The following DGKI variants were observed in gnomAD, a reference collection of about 807,000 sequenced individuals.
DGKI encodes the protein DAG kinase iota.
A neutral mutation model predicts 147.5 loss-of-function variants in DGKI; 55 were observed. The observed-to-expected ratio is 0.37, with a 90% CI of 0.30 to 0.47. The LOEUF is 0.47. Ranked by LOEUF, DGKI falls within the 20% of genes least tolerant of loss-of-function variation. DGKI has a pLI of 1.00. For synonymous variants in DGKI, 469 were observed against 477.1 expected, an observed-to-expected ratio of 0.98 and a Z score of 0.22; for missense variants, 1,007 against 1,323.8, an observed-to-expected ratio of 0.76 and a Z score of 3.71.
intron 19 of DGKI, among the ~76,000 whole-genome samples, chr7:137,558,350 G>A (rs987942522): frequency 1.3e-5 from 2 of 152,152 alleles, no homozygotes; most frequent in African/African-American, 4.8e-5. Flanking sequence ...CACGATCTCG[G>A]CTGACTGCAA....
At chr7:137,763,435 C>T (rs543908552) in intron 1 of DGKI, among the ~76,000 whole-genome samples, 43 of 152,314 alleles carry the variant, frequency 2.8e-4, no homozygotes, top group African/African-American at 9.9e-4. Flanking sequence ...AATCATGCTG[C>T]TTTGGCTTAA....
At chr7:137,585,867 C>T (rs999033399) in intron 13 of DGKI, among the ~76,000 whole-genome samples, 2 of 152,148 alleles carry the variant, frequency 1.3e-5, no homozygotes, top group Non-Finnish European at 2.9e-5. Flanking sequence ...TGTTAGGGAG[C>T]TACTTAATCC....
intron 1 of DGKI, among the ~76,000 whole-genome samples, chr7:137,713,181 C>A (rs1465777463): frequency 1.3e-5 from 2 of 152,184 alleles, no homozygotes; most frequent in Non-Finnish European, 2.9e-5. Flanking sequence ...GATAAGCATT[C>A]ATGTATGATT....
At chr7:137,454,221 T>C (rs973862812) in intron 27 of DGKI, among the ~76,000 whole-genome samples, 15 of 152,310 alleles carry the variant, frequency 9.8e-5, no homozygotes, top group South Asian at 2.1e-4. Flanking sequence ...CTTCAAAAAA[T>C]CATGTTGTAC....
chr7:137,659,908 G>A (rs1022051482), intron 3 of DGKI, among the ~76,000 whole-genome samples: 1 of 152,212 alleles, frequency 6.6e-6, no homozygotes, highest in Non-Finnish European at 1.5e-5. Flanking sequence ...ACTCCAGCCT[G>A]GGCGACAGAG....
intron 20 of DGKI, among the ~76,000 whole-genome samples, chr7:137,530,352 T>C (rs1481713507): frequency 2.0e-5 from 3 of 152,124 alleles, no homozygotes; most frequent in Non-Finnish European, 4.4e-5. Context: ...TTTATCCTCC[T>C]CTAAATCTTT....
chr7:137,845,843 C>T (rs1798699165), intron 1 of DGKI, among the ~76,000 whole-genome samples: 1 of 152,118 alleles, frequency 6.6e-6, no homozygotes, highest in Non-Finnish European at 1.5e-5. Flanking sequence ...AGCACGCAGG[C>T]ATGGAGCCCC....
At chr7:137,444,525 A>G (rs971864300) in intron 27 of DGKI, among the ~76,000 whole-genome samples, 2 of 152,248 alleles carry the variant, frequency 1.3e-5, no homozygotes, top group African/African-American at 4.8e-5. Context: ...AAATTGAGAC[A>G]GAGGTAAAAG....
Position 137,687,376 on chromosome 7 carries a change from T to C in DGKI, c.510+2518A>G, listed in dbSNP as rs147023147. On this transcript the variant is annotated intron_variant, in intron 2 of 32. Transcript: ENST00000614521. ...ATTAAATAAAGATTGCTCATTTCCA[T>C]ACATTGAGTCCAGAAGAGTAGACTA... 5.9e-4 allele frequency among the ~76,000 whole-genome samples: 90 copies of C among 152,320 alleles called. 1 individual carries two copies. The highest frequency in any genetic ancestry group is 2.1e-3 in the African/African-American group (89 of 41,570).
In DGKI at chr7:137,391,109, GGAGA is replaced by G; in HGVS notation, c.*107_*110del. 1.2e-6 allele frequency: 1 copy of G among 862,642 alleles called. No homozygotes were observed. Among genetic ancestry groups the G allele is most frequent in the South Asian group, 1.4e-5 (1 of 72,800 alleles). 53.4% of individuals were successfully genotyped at this position (862,642 alleles called of 1,614,324 possible). A position where few individuals can be genotyped will look rare whatever the true frequency, so the allele number is the denominator to read the frequency against. On this transcript the variant is annotated 3_prime_UTR_variant, in exon 33 of 33. Coordinates refer to ENST00000614521, the MANE Select transcript of DGKI (RefSeq NM_001321708.2). ...GCATGGTCTCAGGTAGATTCTTGCAGGAGAGAGACAGATATATGAATTCCATCAG... is the reference window on the plus strand; with the variant it reads ...GCATGGTCTCAGGTAGATTCTTGCAGGAGACAGATATATGAATTCCATCAG...
intron 1 of DGKI, among the ~76,000 whole-genome samples, chr7:137,773,337 A>G (rs1796267317): frequency 6.6e-6 from 1 of 152,250 alleles, no homozygotes; most frequent in Admixed American, 6.5e-5. Context: ...AAAGGGGAAT[A>G]AATAATGAAC....
chr7:137,652,505 G>A (rs1208512559), intron 5 of DGKI, among the ~76,000 whole-genome samples: 8 of 151,998 alleles, frequency 5.3e-5, no homozygotes, highest in Non-Finnish European at 1.2e-4. Context: ...CCTAAATAAA[G>A]CACCTCCTTC....
intron 2 of DGKI, among the ~76,000 whole-genome samples, chr7:137,679,799 C>T (rs896639712): frequency 6.6e-6 from 1 of 151,376 alleles, no homozygotes; most frequent in Admixed American, 6.6e-5. Flanking sequence ...ACCAGCCTGG[C>T]CAACATGGTG....
intron 14 of DGKI, among the ~76,000 whole-genome samples, chr7:137,582,249 A>G (rs1186681149): frequency 2.6e-5 from 4 of 152,152 alleles, no homozygotes; most frequent in African/African-American, 9.6e-5. Flanking sequence ...TATTTGCAAT[A>G]GTTACAGAGA....
intron 19 of DGKI, among the ~76,000 whole-genome samples, chr7:137,554,914 C>CTTTTT (rs757320303): frequency 2.1e-4 from 23 of 107,424 alleles, no homozygotes; most frequent in East Asian, 5.2e-4. Flanking sequence ...AAACTATTTT[C>CTTTTT]TTTTTTTTTT....
chr7:137,731,645 C>T (rs892930177), intron 1 of DGKI, among the ~76,000 whole-genome samples: 1 of 152,100 alleles, frequency 6.6e-6, no homozygotes, highest in African/African-American at 2.4e-5. Context: ...TCTTGACTCA[C>T]ATTTCTCCTT....
intron 20 of DGKI, among the ~76,000 whole-genome samples, chr7:137,524,924 ATT>A (rs1469744009): frequency 6.6e-6 from 1 of 152,080 alleles, no homozygotes; most frequent in Non-Finnish European, 1.5e-5. Flanking sequence ...GAGCTCCCCA[ATT>A]TGGGGCTTAC....
intron 28 of DGKI, among the ~76,000 whole-genome samples, chr7:137,432,628 G>A (rs1813123962): frequency 6.6e-6 from 1 of 152,106 alleles, no homozygotes; most frequent in African/African-American, 2.4e-5. Context: ...GAGGTTTAAT[G>A]ACATTAAGTA....
intron 19 of DGKI, among the ~76,000 whole-genome samples, chr7:137,562,868 A>G (rs1200591144): frequency 1.3e-5 from 2 of 152,158 alleles, no homozygotes; most frequent in Non-Finnish European, 2.9e-5. Flanking sequence ...GTCTTCACAA[A>G]TTCTTTCAGG....
Sources: allele counts gnomAD v4.1 joint callset (sites outside exome capture counted in the v4.1 genomes callset), GRCh38; gene constraint gnomAD v4.1.1; transcripts MANE v1.5; gene names NCBI Gene and HGNC (gene_info 2026-07-23, HGNC 2026-07-21).